The following DPP10 variants were observed in gnomAD, a reference collection of about 807,000 sequenced individuals.
DPP10 encodes dipeptidyl peptidase like 10, also known as inactive dipeptidyl peptidase 10.
A neutral mutation model predicts 120.9 loss-of-function variants in DPP10; 33 were observed. That is an observed-to-expected ratio of 0.27 (90% CI 0.21 to 0.37). The LOEUF (loss-of-function observed/expected upper bound fraction) is 0.37, where lower values mean the gene tolerates loss of function less well. Ranked by LOEUF, DPP10 falls within the 10% of genes least tolerant of loss-of-function variation. The pLI is 1.00. For missense variants in DPP10, 816 were observed against 942.8 expected (o/e 0.87, Z 1.76); for synonymous variants, 337 against 326.1 (o/e 1.03, Z -0.36).
chr2:114,481,959 GGAGAGAGAGAGAGAGGAGAGAAAGAAA>G (rs947585331), intron 1 of DPP10, among the ~76,000 whole-genome samples: 5 of 149,150 alleles, frequency 3.4e-5, no homozygotes, highest in African/African-American at 1.2e-4. Flanking sequence ...GAGGAGGAGA[GGAGAGAGAGAGAGAGGAGAGAAAGAAA>G]GAGAGAGAGA....
chr2:115,265,801 AGGCGCGGTG>A (rs2059436221), intron 1 of DPP10, among the ~76,000 whole-genome samples: 1 of 152,092 alleles, frequency 6.6e-6, no homozygotes, highest in Admixed American at 6.6e-5. Flanking sequence ...AAAAGGGGCC[AGGCGCGGTG>A]GCTCACGCCT....
At chr2:115,776,051 A>C (rs1449022247) in intron 13 of DPP10, among the ~76,000 whole-genome samples, 2 of 152,170 alleles carry the variant, frequency 1.3e-5, no homozygotes, top group Non-Finnish European at 2.9e-5. Context: ...TTGATAATGG[A>C]GCAGTAGTAA....
At chr2:114,631,146 G>C (rs949291958) in intron 1 of DPP10, among the ~76,000 whole-genome samples, 8 of 152,160 alleles carry the variant, frequency 5.3e-5, no homozygotes, top group Admixed American at 2.0e-4. Flanking sequence ...AGATTCTGGA[G>C]TTGTTTTAAA....
intron 1 of DPP10, among the ~76,000 whole-genome samples, chr2:114,912,675 G>T (rs1434928221): frequency 6.6e-6 from 1 of 152,116 alleles, no homozygotes; most frequent in Non-Finnish European, 1.5e-5. Flanking sequence ...ACCCTGCAAG[G>T]GGTTGCTGAG....
At chr2:114,588,719 G>A (rs1691203442) in intron 1 of DPP10, among the ~76,000 whole-genome samples, 1 of 151,874 alleles carries the variant, frequency 6.6e-6, no homozygotes, top group Admixed American at 6.6e-5. Flanking sequence ...CTATATAAAG[G>A]GGCTACTGGT....
intron 1 of DPP10, among the ~76,000 whole-genome samples, chr2:114,709,099 C>A (rs2105854121): frequency 6.6e-6 from 1 of 152,306 alleles, no homozygotes; most frequent in East Asian, 1.9e-4. Context: ...TCACAAGAAG[C>A]TGGCCCTTCA....
At chr2:114,643,871 GTGTGTGTGTA>G (rs1168789251) in intron 1 of DPP10, among the ~76,000 whole-genome samples, 1 of 149,928 alleles carries the variant, frequency 6.7e-6, no homozygotes, top group Non-Finnish European at 1.5e-5. Flanking sequence ...GTGTGTTTGT[GTGTGTGTGTA>G]TGTGTGTGTG....
At chr2:115,500,106 G>GT (rs1470093724) in intron 4 of DPP10, among the ~76,000 whole-genome samples, 3 of 151,842 alleles carry the variant, frequency 2.0e-5, no homozygotes, top group African/African-American at 7.2e-5. Context: ...TTGTATCACT[G>GT]TTTCGCCAAC....
At chr2:114,512,215 G>A (rs1321434428) in intron 1 of DPP10, among the ~76,000 whole-genome samples, 5 of 152,128 alleles carry the variant, frequency 3.3e-5, no homozygotes, top group Non-Finnish European at 1.5e-5. Flanking sequence ...GAACCCTGAT[G>A]TTAGTTATAT....
At chr2:114,681,932 C>T (rs1444677367) in intron 1 of DPP10, among the ~76,000 whole-genome samples, 1 of 151,882 alleles carries the variant, frequency 6.6e-6, no homozygotes, top group African/African-American at 2.4e-5. Context: ...GTGTAATTTC[C>T]AGTGATGGAC....
intron 1 of DPP10, among the ~76,000 whole-genome samples, chr2:114,840,068 A>T (rs2106443993): frequency 6.6e-6 from 1 of 152,228 alleles, no homozygotes; most frequent in South Asian, 2.1e-4. Context: ...AAACATCCCC[A>T]CTGGGCCTTC....
intron 1 of DPP10, among the ~76,000 whole-genome samples, chr2:114,839,221 C>T (rs1459787213): frequency 6.6e-6 from 1 of 152,134 alleles, no homozygotes; most frequent in African/African-American, 2.4e-5. Context: ...CAATTAAATA[C>T]ATCCTATTAA....
chr2:114,621,911 C>A (rs1180022774), intron 1 of DPP10, among the ~76,000 whole-genome samples: 1 of 151,678 alleles, frequency 6.6e-6, no homozygotes, highest in Non-Finnish European at 1.5e-5. Flanking sequence ...CTGGGTTGAG[C>A]GAGTGACTAG....
At chr2:115,060,383 A>G (rs902747312) in intron 1 of DPP10, among the ~76,000 whole-genome samples, 2 of 152,118 alleles carry the variant, frequency 1.3e-5, no homozygotes, top group Non-Finnish European at 2.9e-5. Context: ...ACTTTAGCCC[A>G]GGAGTTTGAG....
intron 1 of DPP10, among the ~76,000 whole-genome samples, chr2:114,731,223 G>C (rs1676881136): frequency 6.7e-6 from 1 of 149,904 alleles, no homozygotes; most frequent in African/African-American, 2.5e-5. Context: ...TCTCACTTGA[G>C]GCTTTTTTTT....
chr2:115,753,399 T>G lies in DPP10; in HGVS notation c.1074+102T>G. On this transcript the variant is annotated intron_variant, in intron 11 of 25. Coordinates refer to ENST00000410059, the MANE Select transcript of DPP10 (RefSeq NM_020868.6). ...CTTTGTACAAAAAAAATTCAGTGTT[T>G]AACTTTTAAAACTAATAGGAAAAGA... 11 of 1,146,938 alleles carry G rather than the reference T, an allele frequency of 9.6e-6. No individual in the cohort carries two copies. In the South Asian group the frequency reaches 2.4e-4, roughly 25 times the overall value. The allele number at this position is 1,146,938 out of a possible 1,614,324, so 71.0% of individuals were successfully genotyped here.
chr2:115,337,268 G>C (rs2063197265), intron 2 of DPP10, among the ~76,000 whole-genome samples: 1 of 152,012 alleles, frequency 6.6e-6, no homozygotes, highest in African/African-American at 2.4e-5. Context: ...AAGCTCCAGA[G>C]GGGCTTACAC....
intron 1 of DPP10, among the ~76,000 whole-genome samples, chr2:115,059,894 G>A (rs1220092769): frequency 1.3e-5 from 2 of 151,954 alleles, no homozygotes; most frequent in East Asian, 3.9e-4. Flanking sequence ...AAAGAGACAT[G>A]TCTAATATTT....
intron 1 of DPP10, among the ~76,000 whole-genome samples, chr2:115,236,568 C>T (rs752395520): frequency 2.6e-5 from 4 of 152,196 alleles, no homozygotes; most frequent in Non-Finnish European, 5.9e-5. Flanking sequence ...CATCTTTACA[C>T]TGGAAGGGCT....
Sources: gnomAD v4.1 joint callset for allele counts (sites outside exome capture counted in the v4.1 genomes callset) on GRCh38, gnomAD v4.1.1 for gene constraint, MANE v1.5 for transcripts, NCBI Gene and HGNC (gene_info 2026-07-23, HGNC 2026-07-21) for gene names.